The following HCN1 variants were observed in gnomAD, a reference collection of about 807,000 sequenced individuals.
The protein encoded by HCN1 is hyperpolarization activated cyclic nucleotide gated potassium channel 1.
HCN1 carries 13 observed loss-of-function variants against 78.9 expected under a neutral mutation model. The observed-to-expected ratio is 0.16, with a 90% CI of 0.11 to 0.26. HCN1 has a LOEUF of 0.26. Ranked by LOEUF, HCN1 falls within the 10% of genes least tolerant of loss-of-function variation. The pLI is 1.00. For synonymous variants in HCN1, 552 were observed against 455.5 expected, an observed-to-expected ratio of 1.21 and a Z score of -2.70; for missense variants, 810 against 1,154.3, an observed-to-expected ratio of 0.70 and a Z score of 4.32.
At chr5:45,622,349 T>C (rs1028701768) in intron 2 of HCN1, among the ~76,000 whole-genome samples, 1 of 152,202 alleles carries the variant, frequency 6.6e-6, no homozygotes, top group African/African-American at 2.4e-5. Context: ...AGTTTGTGGA[T>C]GGGATGAATG....
At chr5:45,690,599 TG>T (rs1580052380) in intron 1 of HCN1, among the ~76,000 whole-genome samples, 1 of 152,176 alleles carries the variant, frequency 6.6e-6, no homozygotes, top group East Asian at 1.9e-4. Context: ...GTAAAACTAA[TG>T]GTAAGTTGTA....
intron 1 of HCN1, among the ~76,000 whole-genome samples, chr5:45,675,562 G>A (rs1402112965): frequency 6.6e-6 from 1 of 151,762 alleles, no homozygotes; most frequent in East Asian, 1.9e-4. Context: ...ACAAATTTAT[G>A]TTCTTCAACA....
intron 2 of HCN1, among the ~76,000 whole-genome samples, chr5:45,495,191 A>G (rs1741997823): frequency 9.0e-6 from 1 of 111,038 alleles, no homozygotes; most frequent in Non-Finnish European, 1.8e-5. Context: ...TACCTTGGGC[A>G]GTATGGCCAT....
chr5:45,438,770 TAAATG>T (rs1190678437), intron 3 of HCN1, among the ~76,000 whole-genome samples: 1 of 152,058 alleles, frequency 6.6e-6, no homozygotes, highest in Non-Finnish European at 1.5e-5. Context: ...TAGTAAAAAT[TAAATG>T]AGATGATGTA....
At chr5:45,269,478 T>C (rs191458098) in intron 6 of HCN1, among the ~76,000 whole-genome samples, 4 of 152,344 alleles carry the variant, frequency 2.6e-5, no homozygotes, top group Non-Finnish European at 5.9e-5. Flanking sequence ...TGTTTTCTTT[T>C]GGTAATCTAT....
chr5:45,561,563 TTGAC>T (rs1213549837), intron 2 of HCN1, among the ~76,000 whole-genome samples: 1 of 151,454 alleles, frequency 6.6e-6, no homozygotes, highest in Non-Finnish European at 1.5e-5. Context: ...AGAAAAGAAT[TTGAC>T]TGGCCTTTGT....
intron 2 of HCN1, among the ~76,000 whole-genome samples, chr5:45,485,198 G>A (rs1177921848): frequency 6.6e-6 from 1 of 152,152 alleles, no homozygotes; most frequent in Non-Finnish European, 1.5e-5. Context: ...TTATAATGTA[G>A]GCGCTAAAAG....
chr5:45,320,589 A>G (rs1378646830), intron 5 of HCN1, among the ~76,000 whole-genome samples: 1 of 151,854 alleles, frequency 6.6e-6, no homozygotes, highest in African/African-American at 2.4e-5. Flanking sequence ...AGGAGGAACT[A>G]TGGTATCCCA....
intron 3 of HCN1, among the ~76,000 whole-genome samples, chr5:45,413,896 A>AT (rs1397525646): frequency 2.6e-5 from 4 of 152,018 alleles, no homozygotes; most frequent in African/African-American, 9.7e-5. Context: ...AGGAAACTAA[A>AT]TGATCAACAA....
chr5:45,464,512 T>C (rs1020225291), intron 2 of HCN1, among the ~76,000 whole-genome samples: 15 of 152,116 alleles, frequency 9.9e-5, no homozygotes, highest in Non-Finnish European at 1.8e-4. Flanking sequence ...AAAATTGACA[T>C]CACTTTTGGA....
intron 5 of HCN1, among the ~76,000 whole-genome samples, chr5:45,313,601 A>T (rs951670138): frequency 2.6e-5 from 4 of 152,188 alleles, no homozygotes; most frequent in African/African-American, 9.6e-5. Flanking sequence ...TCCACCGCAA[A>T]GAAGCTAAAA....
rs760395263 is a variant in HCN1 at position 45,255,628 on chromosome 5, C to A, written c.*6293G>T. 6.6e-6 allele frequency: 1 copy of A among 152,090 alleles called. No individual in the cohort carries two copies. Among genetic ancestry groups the A allele is most frequent in the African/African-American group, 2.4e-5 (1 of 41,414 alleles). The allele number at this position is 152,090 out of a possible 1,614,324, so 9.4% of individuals were successfully genotyped here. On this transcript the variant is annotated 3_prime_UTR_variant, in exon 8 of 8. Coordinates refer to ENST00000303230, the MANE Select transcript of HCN1 (RefSeq NM_021072.4). ...ATAGATGTTAGAAGAGTTAGGCAAA[C>A]AAGATTTAATTTTGAATGCTTGGAA...
chr5:45,633,589 C>T (rs895706490), intron 2 of HCN1, among the ~76,000 whole-genome samples: 5 of 151,888 alleles, frequency 3.3e-5, no homozygotes, highest in African/African-American at 1.2e-4. Flanking sequence ...TCTAATTCCT[C>T]CACAAAAATA....
intron 2 of HCN1, among the ~76,000 whole-genome samples, chr5:45,541,598 A>G (rs147127767): frequency 1.8e-4 from 27 of 148,940 alleles, no homozygotes; most frequent in African/African-American, 6.5e-4. Flanking sequence ...GAATTAAGCA[A>G]TGGTTTAAAA....
chr5:45,454,449 G>C (rs1295787575), intron 3 of HCN1, among the ~76,000 whole-genome samples: 7 of 149,672 alleles, frequency 4.7e-5, no homozygotes, highest in African/African-American at 1.5e-4. Flanking sequence ...ACAGTGACTT[G>C]TCAGCAAATT....
Position 45,458,893 on chromosome 5 carries a change from G to A in HCN1, c.1011+2953C>T, listed in dbSNP as rs190464960. ...AGTAAGTGTATTAAATAAATGCAGG[G>A]TGCTTTTGTTCTCATATTGGATTTG... On this transcript the variant is annotated intron_variant, in intron 3 of 7. Coordinates refer to ENST00000303230, the MANE Select transcript of HCN1 (RefSeq NM_021072.4). Among the ~76,000 whole-genome samples, 7 of 152,120 alleles carry A rather than the reference G, an allele frequency of 4.6e-5. No individual in the cohort carries two copies. In the East Asian group the frequency reaches 1.4e-3, roughly 29 times the overall value.
chr5:45,555,533 GA>G (rs1743451715), intron 2 of HCN1, among the ~76,000 whole-genome samples: 1 of 151,660 alleles, frequency 6.6e-6, no homozygotes, highest in Non-Finnish European at 1.5e-5. Context: ...CAAAGAGCTA[GA>G]AAAAAATTCT....
chr5:45,604,828 G>A (rs1456923340), intron 2 of HCN1, among the ~76,000 whole-genome samples: 1 of 151,948 alleles, frequency 6.6e-6, no homozygotes. Flanking sequence ...TGTAAGCAAA[G>A]AGGAATATGG....
chr5:45,316,135 C>T (rs1034090909), intron 5 of HCN1, among the ~76,000 whole-genome samples: 65 of 152,136 alleles, frequency 4.3e-4, no homozygotes, highest in African/African-American at 1.5e-3. Context: ...GACCAATATC[C>T]CTGATGAACA....
Sources: allele counts gnomAD v4.1 joint callset (sites outside exome capture counted in the v4.1 genomes callset), GRCh38; gene constraint gnomAD v4.1.1; transcripts MANE v1.5; gene names NCBI Gene and HGNC (gene_info 2026-07-23, HGNC 2026-07-21).